The following MARCHF1 variants were observed in gnomAD, a reference collection of about 807,000 sequenced individuals.
MARCHF1 encodes membrane associated ring-CH-type finger 1, also known as E3 ubiquitin-protein ligase MARCHF1.
In MARCHF1, 40 loss-of-function variants were observed where a neutral mutation model predicts 54.2. That is an observed-to-expected ratio of 0.74 (90% confidence interval 0.57 to 0.96). MARCHF1 has a LOEUF of 0.96. MARCHF1 is among the 40% of genes least tolerant of loss of function. MARCHF1 has a pLI of 0.00. For synonymous variants in MARCHF1, 236 were observed against 236.3 expected, an observed-to-expected ratio of 1.00 and a Z score of 0.01; for missense variants, 586 against 656.5, an observed-to-expected ratio of 0.89 and a Z score of 1.17.
Position 163,891,565 on chromosome 4 carries a change from A to G in MARCHF1, c.-38-37396T>C, listed in dbSNP as rs572032568. Among the ~76,000 whole-genome samples, 20 of 152,256 alleles carry G rather than the reference A, an allele frequency of 1.3e-4. 1 individual carries two copies. The highest frequency in any genetic ancestry group is 4.8e-4 in the African/African-American group (20 of 41,546). ...CCGAAATGAAACAACCACCAAAAAAAGCTAAAAAAAAACCTGTCACCATTG... is the reference window on the plus strand; with the variant it reads ...CCGAAATGAAACAACCACCAAAAAAGGCTAAAAAAAAACCTGTCACCATTG... On this transcript the variant is annotated intron_variant, in intron 3 of 9. Coordinates refer to ENST00000514618, the MANE Select transcript of MARCHF1 (RefSeq NM_001394959.1).
At chr4:164,350,900 G>T (rs1033761502) in intron 1 of MARCHF1, among the ~76,000 whole-genome samples, 2 of 152,178 alleles carry the variant, frequency 1.3e-5, no homozygotes, top group East Asian at 1.9e-4. Context: ...AGGCGAGTGG[G>T]TGCGTGCACC....
chr4:164,087,807 G>GTTT lies in MARCHF1; in HGVS notation c.-248+23778_-248+23780dup, dbSNP rs10706800. Reference sequence around the variant, plus strand: ...TCCTTAATTGATAGCTTTTTTCTGTGTTTTTTTTTTTTCTGTGCCTCATAG... The same window carrying GTTT: ...TCCTTAATTGATAGCTTTTTTCTGTGTTTTTTTTTTTTTTTCTGTGCCTCATAG... On this transcript the variant is annotated intron_variant, in intron 2 of 9. Coordinates refer to ENST00000514618, the MANE Select transcript of MARCHF1 (RefSeq NM_001394959.1). 1.7e-3 allele frequency among the ~76,000 whole-genome samples: 247 copies of GTTT among 147,196 alleles called. 2 individuals are homozygous for GTTT. The highest frequency in any genetic ancestry group is 5.9e-3 in the African/African-American group (236 of 40,340).
chr4:164,054,793 G>T (rs1356174076), intron 2 of MARCHF1, among the ~76,000 whole-genome samples: 2 of 108,814 alleles, frequency 1.8e-5, no homozygotes, highest in Non-Finnish European at 1.8e-5. Context: ...TGGGGGGAGG[G>T]GGGAGGGATA....
chr4:163,859,871 C>A (rs1283589252), intron 3 of MARCHF1, among the ~76,000 whole-genome samples: 2 of 152,112 alleles, frequency 1.3e-5, no homozygotes, highest in Non-Finnish European at 2.9e-5. Context: ...AGAGATGGGG[C>A]AGTTGGTGTT....
chr4:164,052,916 A>G (rs112892577), intron 2 of MARCHF1, among the ~76,000 whole-genome samples: 350 of 152,228 alleles, frequency 2.3e-3, no homozygotes, highest in Non-Finnish European at 4.0e-3. Flanking sequence ...TCATCATAGA[A>G]CTATCCTACA....
chr4:164,240,991 G>C (rs776174377), intron 1 of MARCHF1, among the ~76,000 whole-genome samples: 1 of 152,104 alleles, frequency 6.6e-6, no homozygotes, highest in African/African-American at 2.4e-5. Flanking sequence ...GAGGTCACAC[G>C]ACTGGGGACT....
chr4:164,027,586 T>C (rs1420018336), intron 2 of MARCHF1, among the ~76,000 whole-genome samples: 1 of 151,968 alleles, frequency 6.6e-6, no homozygotes, highest in Non-Finnish European at 1.5e-5. Context: ...TTTTACCATA[T>C]ATAAAAATTA....
chr4:163,733,203 A>ATATACATACACATG (rs1745911683), intron 4 of MARCHF1, among the ~76,000 whole-genome samples: 4 of 37,858 alleles, frequency 1.1e-4, no homozygotes, highest in Non-Finnish European at 5.8e-5. Context: ...ATATATATAT[A>ATATACATACACATG]TATATATATA....
chr4:163,644,967 T>A (rs1742697873), intron 5 of MARCHF1, among the ~76,000 whole-genome samples: 2 of 152,174 alleles, frequency 1.3e-5, no homozygotes, highest in Non-Finnish European at 2.9e-5. Flanking sequence ...TGGTCTCAGC[T>A]GTAGACCCTG....
intron 8 of MARCHF1, among the ~76,000 whole-genome samples, chr4:163,557,795 A>C (rs962012740): frequency 1.3e-5 from 2 of 152,180 alleles, no homozygotes; most frequent in Non-Finnish European, 2.9e-5. Flanking sequence ...TTTTCACTGA[A>C]GATTCAGTTG....
intron 1 of MARCHF1, among the ~76,000 whole-genome samples, chr4:164,131,455 T>C (rs1756299797): frequency 6.6e-6 from 1 of 152,196 alleles, no homozygotes; most frequent in Non-Finnish European, 1.5e-5. Context: ...AGACCTAATT[T>C]GTTTTAAAAC....
In MARCHF1 at chr4:163,835,296, C is replaced by A. The variant is rs144342423; in HGVS notation, c.111+18725G>T. Among the ~76,000 whole-genome samples, 415 of 152,262 alleles carry A rather than the reference C, an allele frequency of 2.7e-3. 1 individual carries two copies. Among genetic ancestry groups the A allele is most frequent in the Admixed American group, 4.6e-3 (70 of 15,274 alleles). On this transcript the variant is annotated intron_variant, in intron 4 of 9. Coordinates refer to ENST00000514618, the MANE Select transcript of MARCHF1 (RefSeq NM_001394959.1). ...ATATAGAAATGGATAAGACCACATT[C>A]GTGGTTCTTAAAATCCCAGTCAGAA... is the stretch of plus-strand genomic sequence containing the variant.
intron 4 of MARCHF1, among the ~76,000 whole-genome samples, chr4:163,770,797 T>C (rs1340498707): frequency 4.6e-5 from 7 of 152,216 alleles, no homozygotes; most frequent in Admixed American, 4.6e-4. Context: ...ATGAGAAATG[T>C]TAAGAAGACA....
At chr4:163,675,169 A>G (rs1049041864) in intron 5 of MARCHF1, among the ~76,000 whole-genome samples, 1 of 152,258 alleles carries the variant, frequency 6.6e-6, no homozygotes, top group Middle Eastern at 3.2e-3. Context: ...GCAAATCTGT[A>G]TAAAAACAAG....
At chr4:163,723,666 A>G (rs1401760092) in intron 4 of MARCHF1, among the ~76,000 whole-genome samples, 1 of 152,204 alleles carries the variant, frequency 6.6e-6, no homozygotes, top group Non-Finnish European at 1.5e-5. Flanking sequence ...TACACCAAAC[A>G]GATGTAGATT....
At chr4:163,748,353 C>G (rs2110766400) in intron 4 of MARCHF1, among the ~76,000 whole-genome samples, 1 of 149,592 alleles carries the variant, frequency 6.7e-6, no homozygotes, top group South Asian at 2.1e-4. Context: ...TTTAACTATT[C>G]TAGGTCCTTT....
intron 3 of MARCHF1, among the ~76,000 whole-genome samples, chr4:163,913,902 G>A (rs1344962862): frequency 6.6e-6 from 1 of 152,144 alleles, no homozygotes; most frequent in Non-Finnish European, 1.5e-5. Flanking sequence ...AATGATATGT[G>A]TCATTAACAT....
intron 8 of MARCHF1, among the ~76,000 whole-genome samples, chr4:163,550,142 C>T (rs1406441875): frequency 3.3e-5 from 5 of 152,014 alleles, no homozygotes; most frequent in Non-Finnish European, 5.9e-5. Flanking sequence ...ATTATCCAGG[C>T]GTGGCGGCGG....
intron 1 of MARCHF1, among the ~76,000 whole-genome samples, chr4:164,292,785 CTTTTA>C (rs1204962130): frequency 6.6e-6 from 1 of 152,226 alleles, no homozygotes; most frequent in Non-Finnish European, 1.5e-5. Flanking sequence ...TAGTAACTGA[CTTTTA>C]TTTTAATATA....
Sources: allele counts gnomAD v4.1 joint callset (sites outside exome capture counted in the v4.1 genomes callset), GRCh38; gene constraint gnomAD v4.1.1; transcripts MANE v1.5; gene names NCBI Gene and HGNC (gene_info 2026-07-23, HGNC 2026-07-21).